Variants in SNAP47 observed in about 807,000 individuals in gnomAD.
SNAP47 encodes synaptosomal-associated protein 47.
A neutral mutation model predicts 31.4 loss-of-function variants in SNAP47; 20 were observed. That is an observed-to-expected ratio of 0.64 (90% CI 0.45 to 0.93). The LOEUF is 0.93. SNAP47 is among the 40% of genes least tolerant of loss of function. SNAP47 has a pLI of 0.00. For synonymous variants in SNAP47, 194 were observed against 213.4 expected (o/e 0.91, Z 0.79); for missense variants, 492 against 528.5 (o/e 0.93, Z 0.68).
chr1:227,740,291 G>A (rs1360245985), intron 1 of SNAP47, among the ~76,000 whole-genome samples: 1 of 152,240 alleles, frequency 6.6e-6, no homozygotes, highest in Non-Finnish European at 1.5e-5. Context: ...GAGTCCATGA[G>A]GCTGCGGTAA....
chr1:227,746,638 GTGC>G (rs1251465617), intron 1 of SNAP47: 2 of 152,234 alleles, frequency 1.3e-5, no homozygotes, highest in African/African-American at 2.4e-5. Flanking sequence ...ACTCATGAAC[GTGC>G]TGCCAGAATG....
Position 227,735,448 on chromosome 1 carries a change from C to G in SNAP47, c.-97C>G. On this transcript the variant is annotated 5_prime_UTR_variant, in exon 1 of 5. Transcript: ENST00000617596. ...GCCGCGGTCTTCACTGCGCAGGCGCCGAGCGGCCGAGGCGCCGCGGTCGGC... is the reference window on the plus strand; with the variant it reads ...GCCGCGGTCTTCACTGCGCAGGCGCGGAGCGGCCGAGGCGCCGCGGTCGGC... 6.9e-7 allele frequency: 1 copy of G among 1,448,790 alleles called. No homozygotes were observed. The highest frequency in any genetic ancestry group is 9.0e-7 in the Non-Finnish European group (1 of 1,111,984). 89.7% of individuals were successfully genotyped at this position (1,448,790 alleles called of 1,614,324 possible).
intron 4 of SNAP47, chr1:227,776,901 C>A (rs531365801): frequency 1.0e-6 from 1 of 985,376 alleles, no homozygotes; most frequent in African/African-American, 1.7e-5. Flanking sequence ...ATTTTCAAAT[C>A]AAAAAGTACA....
At chr1:227,752,796 T>A (rs974663567) in intron 2 of SNAP47, among the ~76,000 whole-genome samples, 5 of 152,160 alleles carry the variant, frequency 3.3e-5, no homozygotes, top group African/African-American at 4.8e-5. Context: ...TAAGGGAAAT[T>A]AAGGGAGATG....
intron 4 of SNAP47, chr1:227,768,392 C>T: frequency 1.1e-6 from 1 of 947,464 alleles, no homozygotes; most frequent in Non-Finnish European, 1.3e-6. Flanking sequence ...TCAGGCCCGG[C>T]CCTGTTTTTG....
At chr1:227,761,049 A>G (rs370076938) in intron 3 of SNAP47, among the ~76,000 whole-genome samples, 4 of 152,232 alleles carry the variant, frequency 2.6e-5, no homozygotes, top group Admixed American at 6.5e-5. Context: ...ATCAATGCCT[A>G]TGTATTGTGC....
At chr1:227,768,834 G>A (rs1028951292) in intron 4 of SNAP47, among the ~76,000 whole-genome samples, 4 of 152,238 alleles carry the variant, frequency 2.6e-5, no homozygotes, top group Admixed American at 1.3e-4. Flanking sequence ...CTCGGCACGT[G>A]GCTGAGACTG....
chr1:227,770,343 G>A (rs544205936), intron 4 of SNAP47, among the ~76,000 whole-genome samples: 3 of 152,310 alleles, frequency 2.0e-5, no homozygotes, highest in African/African-American at 7.2e-5. Flanking sequence ...TAGGGCTCAC[G>A]TGGAGGTGTG....
At chr1:227,733,474 C>T (rs766897994), upstream of SNAP47, 9 of 1,592,820 alleles carry the variant, frequency 5.7e-6, no homozygotes, top group Non-Finnish European at 7.7e-6. Flanking sequence ...CCGCTTCCTG[C>T]GTGATCTCCA....
chr1:227,767,963 G>A (rs1348246738), intron 4 of SNAP47, among the ~76,000 whole-genome samples: 1 of 152,222 alleles, frequency 6.6e-6, no homozygotes, highest in Non-Finnish European at 1.5e-5. Flanking sequence ...TTGTCCAGAG[G>A]TTGTTGCCTA....
chr1:227,775,763 T>G, intron 4 of SNAP47: 1 of 1,301,976 alleles, frequency 7.7e-7, no homozygotes, highest in Non-Finnish European at 1.0e-6. Context: ...GTGAGAATGC[T>G]AAATTCTCTT....
chr1:227,735,817 G>A (rs1661100297), intron 1 of SNAP47: 1 of 765,200 alleles, frequency 1.3e-6, no homozygotes, highest in African/African-American at 1.9e-5. Context: ...GTGGGGACCT[G>A]GAGAGGACGG....
intron 3 of SNAP47, among the ~76,000 whole-genome samples, chr1:227,764,581 A>G (rs1178901260): frequency 6.6e-6 from 1 of 151,888 alleles, no homozygotes; most frequent in Non-Finnish European, 1.5e-5. Context: ...CAGCCTGGGT[A>G]ACATATTAAG....
At chr1:227,729,587 G>C (rs1157053387) in intron 1 of SNAP47, among the ~76,000 whole-genome samples, 1 of 152,196 alleles carries the variant, frequency 6.6e-6, no homozygotes, top group Non-Finnish European at 1.5e-5. Flanking sequence ...GTGGGCTTCA[G>C]GGTAGCTGGC....
rs1255202412 is a variant in SNAP47, at chr1:227,767,062, A to G, written c.1092A>G (p.Ala364=). Residue 364 remains alanine (A), a synonymous_variant, in exon 4 of 5, where the codon GCA becomes GCG. Transcript: ENST00000617596. ...CAAGCCTGCCAGCCCTTTCTGAGGC[A>G]GATACCCAGGAACTAACCCAGGTAA... ...LQTSLPALSE[A]DTQELTQILR... The G allele has an allele frequency of 6.2e-7, 1 of 1,614,124 alleles. No individual in the cohort carries two copies. The highest frequency in any genetic ancestry group is 8.5e-7 in the Non-Finnish European group (1 of 1,180,026).
At chr1:227,765,990 AG>A (rs1663371077) in intron 3 of SNAP47, among the ~76,000 whole-genome samples, 1 of 152,178 alleles carries the variant, frequency 6.6e-6, no homozygotes, top group Non-Finnish European at 1.5e-5. Context: ...GTGATAGGCT[AG>A]AGGGGGTATG....
chr1:227,768,895 C>T (rs76886830), intron 4 of SNAP47, among the ~76,000 whole-genome samples: 13,723 of 152,278 alleles, frequency 0.09, 694 homozygotes, highest in Middle Eastern at 0.2. Flanking sequence ...TGTCCACGGC[C>T]GAGATACTCA....
At chr1:227,776,564 G>T in intron 4 of SNAP47, 1 of 985,458 alleles carries the variant, frequency 1.0e-6, no homozygotes, top group Non-Finnish European at 1.2e-6. Flanking sequence ...GTCACCCCAG[G>T]CCGCAGAGGA....
chr1:227,776,745 TTGTC>T (rs769359343), intron 4 of SNAP47: 28 of 985,378 alleles, frequency 2.8e-5, no homozygotes, highest in Non-Finnish European at 3.1e-5. Context: ...GGAATGTTCT[TTGTC>T]TGCAGACCTA....
Sources: allele counts gnomAD v4.1 joint callset (sites outside exome capture counted in the v4.1 genomes callset), GRCh38; gene constraint gnomAD v4.1.1; transcripts MANE v1.5; gene names NCBI Gene and HGNC (gene_info 2026-07-23, HGNC 2026-07-21).